The following POU2F3 variants were observed in gnomAD, a reference collection of about 807,000 sequenced individuals.
POU2F3 encodes POU domain, class 2, transcription factor 3.
POU2F3 carries 23 observed loss-of-function variants against 59.2 expected under a neutral mutation model. The observed-to-expected ratio is 0.39, with a 90% confidence interval of 0.28 to 0.55. The LOEUF is 0.55. Among genes scored for constraint, POU2F3 ranks in the 20% least tolerant of loss-of-function variants. The pLI is 0.66. For missense variants in POU2F3, 473 were observed against 544.5 expected, an observed-to-expected ratio of 0.87 and a Z score of 1.31; for synonymous variants, 190 against 214.6, an observed-to-expected ratio of 0.89 and a Z score of 1.00.
chr11:120,314,932 T>G (rs757705861), intron 10 of POU2F3, among the ~76,000 whole-genome samples: 1 of 152,216 alleles, frequency 6.6e-6, no homozygotes, highest in Non-Finnish European at 1.5e-5. Context: ...GCAACCCTGC[T>G]GTCCTCAGCA....
In POU2F3 at chr11:120,299,697, T is replaced by C; in HGVS notation, c.332T>C (p.Leu111Pro). ...CACTTACAGTCTGTATCCCAGTTCC[T>C]GCTATCTCAGACCCAGCCTGGGCAG... is the stretch of plus-strand genomic sequence containing the variant. ...PGHLQSVSQF[L>P]LSQTQPGQQG... The change falls in exon 5 of 13, where the codon CTG (leucine) becomes CCG (proline). Residue 111 changes from leucine (L) to proline (P), a missense_variant. Physicochemically the swap from Leu to Pro is moderately conservative, Grantham distance 98. Transcript: ENST00000543440. 6.2e-7 allele frequency: 1 copy of C among 1,613,524 alleles called. No individual in the cohort carries two copies. Among genetic ancestry groups the C allele is most frequent in the Non-Finnish European group, 8.5e-7 (1 of 1,179,974 alleles).
At chr11:120,286,846 C>G (rs1473085453) in intron 3 of POU2F3, among the ~76,000 whole-genome samples, 1 of 151,764 alleles carries the variant, frequency 6.6e-6, no homozygotes, top group Admixed American at 6.6e-5. Flanking sequence ...ATCTTGATGT[C>G]CGCGCAGAGT....
intron 2 of POU2F3, among the ~76,000 whole-genome samples, chr11:120,262,278 G>A (rs1031018091): frequency 3.3e-5 from 5 of 152,084 alleles, no homozygotes; most frequent in East Asian, 1.9e-4. Context: ...TGAACATTTC[G>A]CCATATTTGC....
intron 3 of POU2F3, among the ~76,000 whole-genome samples, chr11:120,274,989 T>C (rs114224866): frequency 0.028 from 4,330 of 152,212 alleles, 208 homozygotes; most frequent in African/African-American, 0.098. Context: ...GGCTAGGAAC[T>C]TGGAAGTCAG....
chr11:120,255,200 T>C (rs1318144686), intron 2 of POU2F3, among the ~76,000 whole-genome samples: 1 of 152,162 alleles, frequency 6.6e-6, no homozygotes, highest in Non-Finnish European at 1.5e-5. Context: ...TGGCCTTGCC[T>C]GGGTGTGCCC....
chr11:120,313,907 G>T (rs576261359), intron 10 of POU2F3, among the ~76,000 whole-genome samples: 1 of 152,066 alleles, frequency 6.6e-6, no homozygotes, highest in South Asian at 2.1e-4. Context: ...CCAGCTACTC[G>T]GGAGATTGAG....
intron 2 of POU2F3, among the ~76,000 whole-genome samples, chr11:120,258,582 TGA>T (rs567425527): frequency 5.2e-4 from 79 of 152,350 alleles, no homozygotes; most frequent in African/African-American, 1.8e-3. Flanking sequence ...GGCGTTTCTC[TGA>T]GATGTGTTTT....
chr11:120,272,356 C>G (rs535330952), intron 3 of POU2F3, among the ~76,000 whole-genome samples: 42 of 152,290 alleles, frequency 2.8e-4, no homozygotes, highest in African/African-American at 9.4e-4. Context: ...CTGCACCTGC[C>G]CTGCTCCCTG....
At chr11:120,252,687 A>G (rs1160365867) in intron 2 of POU2F3, among the ~76,000 whole-genome samples, 3 of 152,172 alleles carry the variant, frequency 2.0e-5, no homozygotes, top group African/African-American at 7.2e-5. Context: ...AGAGAACCTT[A>G]TCAAATAAAG....
At chr11:120,245,609 C>T (rs1438130254) in intron 1 of POU2F3, among the ~76,000 whole-genome samples, 3 of 152,122 alleles carry the variant, frequency 2.0e-5, no homozygotes, top group Non-Finnish European at 4.4e-5. Context: ...CTCTTCTTCC[C>T]CCTGCTGACC....
At chr11:120,300,998 C>T in intron 5 of POU2F3, 1 of 455,534 alleles carries the variant, frequency 2.2e-6, no homozygotes, top group South Asian at 1.6e-5. Flanking sequence ...AAACATCATA[C>T]TCCTGGAATG....
At chr11:120,307,733 A>G in intron 9 of POU2F3, 118 bp downstream of exon 9, 2 of 1,343,804 alleles carry the variant, frequency 1.5e-6, no homozygotes, top group Non-Finnish European at 2.0e-6. Flanking sequence ...CTGGGACACG[A>G]TCAGAAAACA....
rs1213512682 is a variant in POU2F3 at position 120,318,512 on chromosome 11, T to C, written c.*120T>C. 1.9e-6 allele frequency: 2 copies of C among 1,037,744 alleles called. No individual in the cohort carries two copies. The highest frequency in any genetic ancestry group is 3.2e-5 in the African/African-American group (2 of 63,142). 64.3% of individuals were successfully genotyped at this position (1,037,744 alleles called of 1,614,324 possible). Reference sequence around the variant, plus strand: ...AGTGGAAGAAAATCTCCACTATCAATGAACCCAGACTCTTGTCTTCTTCAA... The same window carrying C: ...AGTGGAAGAAAATCTCCACTATCAACGAACCCAGACTCTTGTCTTCTTCAA... On this transcript the variant is annotated 3_prime_UTR_variant, in exon 13 of 13. Transcript: ENST00000543440.
chr11:120,304,976 A>AAAAAAAAT, intron 6 of POU2F3, 54 bp from the exon 7 acceptor site: 1 of 1,141,176 alleles, frequency 8.8e-7, no homozygotes, highest in Non-Finnish European at 1.2e-6. Context: ...AAAAAATCAG[A>AAAAAAAAT]AAATGTTATT....
rs1308998022 is a variant in POU2F3, at chr11:120,285,270, G to C, written c.133-12995G>C. Among the ~76,000 whole-genome samples, 3 of 152,116 alleles carry C rather than the reference G, an allele frequency of 2.0e-5. No individual in the cohort carries two copies. Among genetic ancestry groups the C allele is most frequent in the Non-Finnish European group, 2.9e-5 (2 of 68,008 alleles). ...TGACACCCCTGTCAGATGGCCTGTG[G>C]TCCCAAGTCTCTGCCAAAACTCATC... On this transcript the variant is annotated intron_variant, in intron 3 of 12. Coordinates refer to ENST00000543440, the MANE Select transcript of POU2F3 (RefSeq NM_014352.4). This position sits in a 1 kb window ranked among gnomAD's most constrained non-coding sequence, Gnocchi z 4.3.
At chr11:120,278,823 T>A (rs532021187) in intron 3 of POU2F3, among the ~76,000 whole-genome samples, 65 of 152,178 alleles carry the variant, frequency 4.3e-4, no homozygotes, top group Non-Finnish European at 7.3e-4. Context: ...AATGACGGGT[T>A]GATGGGTGCA....
At chr11:120,268,681 A>T (rs143280490) in intron 2 of POU2F3, among the ~76,000 whole-genome samples, 1 of 152,324 alleles carries the variant, frequency 6.6e-6, no homozygotes, top group Non-Finnish European at 1.5e-5. Flanking sequence ...TTACTTTTTC[A>T]GCCCAACATT....
At chr11:120,261,199 TTG>T (rs1939590247) in intron 2 of POU2F3, 1 of 148,022 alleles carries the variant, frequency 6.8e-6, no homozygotes, top group African/African-American at 2.5e-5. Context: ...TGTGTGTGTT[TTG>T]TTTGTTTGTT....
At chr11:120,251,075 C>G (rs562699897) in intron 2 of POU2F3, among the ~76,000 whole-genome samples, 1 of 152,304 alleles carries the variant, frequency 6.6e-6, no homozygotes, top group African/African-American at 2.4e-5. Flanking sequence ...TCAAGTGATC[C>G]TCCTGTCTCA....
Sources: gnomAD v4.1 joint callset for allele counts (sites outside exome capture counted in the v4.1 genomes callset) on GRCh38, gnomAD v4.1.1 for gene constraint, Gnocchi (gnomAD v3.1) non-coding constraint, MANE v1.5 for transcripts, NCBI Gene and HGNC (gene_info 2026-07-23, HGNC 2026-07-21) for gene names.